MDFIC2: variants seen among roughly 807,000 people sequenced by gnomAD.
MDFIC2 encodes MyoD family inhibitor domain containing 2.
intron 2 of MDFIC2, among the ~76,000 whole-genome samples, chr3:70,306,247 G>A (rs551999566): frequency 6.6e-6 from 1 of 152,144 alleles, no homozygotes; most frequent in South Asian, 2.1e-4. Flanking sequence ...GGGATTACAG[G>A]CACTCGCCAC....
intron 2 of MDFIC2, among the ~76,000 whole-genome samples, chr3:70,232,929 C>T (rs891595157): frequency 6.6e-6 from 1 of 151,998 alleles, no homozygotes; most frequent in Non-Finnish European, 1.5e-5. Flanking sequence ...GGGTTCACAC[C>T]GGTAATCCCA....
chr3:70,285,266 T>C (rs945095480), intron 2 of MDFIC2, among the ~76,000 whole-genome samples: 20 of 143,288 alleles, frequency 1.4e-4, no homozygotes, highest in Admixed American at 1.0e-3. Flanking sequence ...GTCCATGTGT[T>C]CTCATTGTTC....
chr3:70,288,599 A>G (rs1464078348), intron 2 of MDFIC2, among the ~76,000 whole-genome samples: 1 of 149,652 alleles, frequency 6.7e-6, no homozygotes, highest in Non-Finnish European at 1.5e-5. Flanking sequence ...GCTGAGTTCA[A>G]TTCCTGGGTA....
intron 2 of MDFIC2, among the ~76,000 whole-genome samples, chr3:70,268,228 TG>T (rs1372009266): frequency 1.3e-5 from 2 of 152,200 alleles, no homozygotes; most frequent in East Asian, 1.9e-4. Context: ...CCCAGCACTT[TG>T]GGGGGCCAAG....
chr3:70,199,439 C>T (rs1247253039), intron 3 of MDFIC2, among the ~76,000 whole-genome samples: 1 of 152,146 alleles, frequency 6.6e-6, no homozygotes, highest in Non-Finnish European at 1.5e-5. Context: ...CCTTCTACCT[C>T]CCTATTTTGC....
chr3:70,196,678 A>G lies in MDFIC2; in HGVS notation c.*248T>C, dbSNP rs1701184721. ...CTTGTACCTACAGCATTTAAGAGGTATTTAAGATTTGTTCATCACATGTGA... is the reference window on the plus strand; with the variant it reads ...CTTGTACCTACAGCATTTAAGAGGTGTTTAAGATTTGTTCATCACATGTGA... On this transcript the variant is annotated 3_prime_UTR_variant, in exon 4 of 4. Transcript: ENST00000567252. Among the ~76,000 whole-genome samples the G allele has an allele frequency of 4.6e-5, 7 of 152,210 alleles. No homozygotes were observed.
chr3:70,209,930 A>G (rs1267035370), intron 2 of MDFIC2, among the ~76,000 whole-genome samples: 2 of 152,208 alleles, frequency 1.3e-5, no homozygotes, highest in African/African-American at 4.8e-5. Flanking sequence ...CCCATACATT[A>G]GAGAGTAGCT....
chr3:70,308,824 T>C (rs572284584), intron 2 of MDFIC2, among the ~76,000 whole-genome samples: 23 of 152,272 alleles, frequency 1.5e-4, no homozygotes, highest in Admixed American at 5.9e-4. Flanking sequence ...TAGTAACTCC[T>C]GTTGCTTGCA....
rs890897993 is a variant in MDFIC2 at position 70,241,142 on chromosome 3, T to C, written c.89-34352A>G. Among the ~76,000 whole-genome samples, 9 of 152,290 alleles carry C rather than the reference T, an allele frequency of 5.9e-5. No individual in the cohort carries two copies. The South Asian group carries it at 1.7e-3, about 28-fold the overall frequency. On this transcript the variant is annotated intron_variant, in intron 2 of 3. Coordinates refer to ENST00000567252, the MANE Select transcript of MDFIC2 (RefSeq NM_001364677.1). ...GTACCATAAATGACATACGGGCTGA[T>C]AAATTTATCAGTTCCTGGGAGTTGA...
chr3:70,250,411 TCA>T (rs61355248), intron 2 of MDFIC2, among the ~76,000 whole-genome samples: 3,807 of 124,864 alleles, frequency 0.03, 165 homozygotes, highest in African/African-American at 0.1. Flanking sequence ...TTAATGAATC[TCA>T]CACACACACA....
At chr3:70,262,523 G>A (rs143972045) in intron 2 of MDFIC2, among the ~76,000 whole-genome samples, 427 of 152,210 alleles carry the variant, frequency 2.8e-3, no homozygotes, top group Admixed American at 8.6e-3. Context: ...CTGGAATGCC[G>A]TTTCATGTGG....
At chr3:70,253,061 C>A (rs527360650) in intron 2 of MDFIC2, among the ~76,000 whole-genome samples, 11 of 150,710 alleles carry the variant, frequency 7.3e-5, no homozygotes, top group African/African-American at 2.7e-4. Context: ...GCCTGGGGGA[C>A]AAGAGTGAGA....
At chr3:70,207,597 A>T (rs1701304830) in intron 2 of MDFIC2, among the ~76,000 whole-genome samples, 1 of 152,026 alleles carries the variant, frequency 6.6e-6, no homozygotes, top group Admixed American at 6.6e-5. Context: ...AATACAACAA[A>T]TCCTAGATAC....
chr3:70,236,653 C>T (rs749364953), intron 2 of MDFIC2, among the ~76,000 whole-genome samples: 5 of 152,140 alleles, frequency 3.3e-5, no homozygotes, highest in East Asian at 3.9e-4. Context: ...TGGAGTGCAG[C>T]GGCACAATCA....
At chr3:70,207,711 A>G (rs1701305792) in intron 2 of MDFIC2, among the ~76,000 whole-genome samples, 1 of 152,124 alleles carries the variant, frequency 6.6e-6, no homozygotes, top group South Asian at 2.1e-4. Flanking sequence ...CATAGCATTT[A>G]CATAGTATTA....
intron 2 of MDFIC2, among the ~76,000 whole-genome samples, chr3:70,295,036 G>A (rs1452689342): frequency 6.6e-6 from 1 of 152,108 alleles, no homozygotes; most frequent in Non-Finnish European, 1.5e-5. Context: ...ATTATTTGTT[G>A]CCTAAAATAA....
At chr3:70,232,122 A>G (rs1039640953) in intron 2 of MDFIC2, among the ~76,000 whole-genome samples, 1 of 152,210 alleles carries the variant, frequency 6.6e-6, no homozygotes, top group Non-Finnish European at 1.5e-5. Context: ...TGACACTGGC[A>G]GCGAGATGTT....
intron 2 of MDFIC2, among the ~76,000 whole-genome samples, chr3:70,250,029 T>C (rs1383921438): frequency 6.6e-6 from 1 of 152,112 alleles, no homozygotes; most frequent in Non-Finnish European, 1.5e-5. Flanking sequence ...TGGCTTCGAG[T>C]TGTTTATTAA....
chr3:70,295,692 A>G (rs1442321185), intron 2 of MDFIC2, among the ~76,000 whole-genome samples: 3 of 152,152 alleles, frequency 2.0e-5, no homozygotes. Context: ...ACCCTATCTC[A>G]AAAATAAATA....
Sources: allele counts gnomAD v4.1 joint callset (sites outside exome capture counted in the v4.1 genomes callset), GRCh38; gene constraint gnomAD v4.1.1; transcripts MANE v1.5; gene names NCBI Gene and HGNC (gene_info 2026-07-23, HGNC 2026-07-21).